Variants in ATRX observed in about 807,000 individuals in gnomAD.
ATRX encodes the protein ATRX chromatin remodeler.
In ATRX, 12 loss-of-function variants were observed where a neutral mutation model predicts 172.6. The observed-to-expected ratio is 0.07, with a 90% CI of 0.04 to 0.11. The LOEUF (loss-of-function observed/expected upper bound fraction) is 0.11. Ranked by LOEUF, ATRX falls within the 10% of genes least tolerant of loss-of-function variation. The pLI is 1.00. For synonymous variants in ATRX, 674 were observed against 594.7 expected, an observed-to-expected ratio of 1.13 and a Z score of -1.94; for missense variants, 1,368 against 1,767.4, an observed-to-expected ratio of 0.77 and a Z score of 4.05.
chrX:77,765,983 T>A (rs1603331475), intron 1 of ATRX, among the ~76,000 whole-genome samples: 1 of 110,311 alleles, frequency 9.1e-6, no homozygotes, highest in South Asian at 3.8e-4. Context: ...ACACAGCACA[T>A]GTTTCAGAGA....
rs202111882 is a variant in ATRX at position 77,661,467 on chromosome X, GAA to G, written c.4120+1913_4120+1914del. Reference sequence around the variant, plus strand: ...GAGTTCAAAAATAAATACAGTAATTGAAAAAAAAAAAAAAACTTTTCAATGGC... The same window carrying G: ...GAGTTCAAAAATAAATACAGTAATTGAAAAAAAAAAAAACTTTTCAATGGC... On this transcript the variant is annotated intron_variant, in intron 12 of 34. Transcript: ENST00000373344. 7.5e-3 allele frequency among the ~76,000 whole-genome samples: 684 copies of G among 91,346 alleles called. 2 individuals carry two copies. Among genetic ancestry groups the G allele is most frequent in the South Asian group, 0.016 (31 of 1,896 alleles). The allele number at this position is 91,346 out of a possible 115,157, so 79.3% of individuals were successfully genotyped here.
intron 34 of ATRX, among the ~76,000 whole-genome samples, chrX:77,513,594 C>G (rs1286505800): frequency 3.6e-5 from 4 of 110,971 alleles, no homozygotes; most frequent in Admixed American, 9.6e-5. Context: ...CAAGAAGCAA[C>G]TGGCTCTTGC....
intron 1 of ATRX, among the ~76,000 whole-genome samples, chrX:77,742,757 C>G (rs1260837711): frequency 2.7e-5 from 3 of 111,483 alleles, no homozygotes; most frequent in African/African-American, 6.5e-5. Flanking sequence ...TTTCTGTGGT[C>G]CACTACCATA....
rs1602296530 is a variant in ATRX at position 77,506,553 on chromosome X, C to T, written c.*1798G>A. 5.7e-6 allele frequency: 1 copy of T among 175,340 alleles called. No homozygotes were observed. The allele number at this position is 175,340 out of a possible 1,213,427, so 14.4% of individuals were successfully genotyped here. On this transcript the variant is annotated 3_prime_UTR_variant, in exon 35 of 35. Transcript: ENST00000373344. ...GTAACAGTTGGCCAGAGTGTACTGC[C>T]TTCAAATATTTCTCATAAATCTTGT...
chrX:77,712,097 A>G (rs2073141554), intron 2 of ATRX, among the ~76,000 whole-genome samples: 1 of 111,718 alleles, frequency 9.0e-6, no homozygotes, highest in African/African-American at 3.3e-5. Context: ...TGGTCTCCCT[A>G]AATTTTTTCC....
At chrX:77,576,496 T>C (rs782634559) in intron 27 of ATRX, among the ~76,000 whole-genome samples, 4 of 110,909 alleles carry the variant, frequency 3.6e-5, no homozygotes, top group African/African-American at 6.6e-5. Flanking sequence ...AAAGTGCAAG[T>C]ATATACCTAG....
intron 1 of ATRX, among the ~76,000 whole-genome samples, chrX:77,741,037 T>TACACACAC (rs111437851): frequency 3.8e-4 from 38 of 99,229 alleles, no homozygotes; most frequent in Non-Finnish European, 7.0e-4. Flanking sequence ...ACCCTGTCTC[T>TACACACAC]ACACACACAC....
At chrX:77,509,283 C>T (rs2062787622) in intron 34 of ATRX, among the ~76,000 whole-genome samples, 1 of 112,042 alleles carries the variant, frequency 8.9e-6, no homozygotes. Context: ...ATCCATAGCT[C>T]TACCTTTTAT....
At chrX:77,610,272 A>G (rs1209390902) in intron 22 of ATRX, among the ~76,000 whole-genome samples, 2 of 112,401 alleles carry the variant, frequency 1.8e-5, no homozygotes, top group South Asian at 3.6e-4. Context: ...AATGTTAAAT[A>G]TAAGAAGCAA....
chrX:77,638,114 C>A (rs1270394389), intron 15 of ATRX, among the ~76,000 whole-genome samples: 1 of 111,036 alleles, frequency 9.0e-6, no homozygotes, highest in Non-Finnish European at 1.9e-5. Context: ...CAAACATACA[C>A]AAAAGTAGAT....
At chrX:77,635,785 G>T in intron 16 of ATRX, 130 bp downstream of exon 16, 1 of 546,991 alleles carries the variant, frequency 1.8e-6, no homozygotes, top group Non-Finnish European at 2.9e-6. Flanking sequence ...AAAGGCAGGG[G>T]AATTGTGGAT....
At chrX:77,754,562 T>C (rs782286645) in intron 1 of ATRX, among the ~76,000 whole-genome samples, 2 of 112,029 alleles carry the variant, frequency 1.8e-5, no homozygotes, top group South Asian at 3.7e-4. Flanking sequence ...AGCATTTGAT[T>C]GTCCGTAAAG....
At chrX:77,729,665 T>C (rs1370298095) in intron 1 of ATRX, among the ~76,000 whole-genome samples, 2 of 112,354 alleles carry the variant, frequency 1.8e-5, no homozygotes, top group Non-Finnish European at 3.8e-5. Context: ...CCGGGCATGA[T>C]GGCTCATGCC....
Position 77,539,452 on chromosome X carries a change from G to A in ATRX, c.6700-16051C>T, listed in dbSNP as rs782097775. ...CTTTACATCTAATTTCTGATTTCTA[G>A]TGTACAGGATATATAAGAGGTAGAA... On this transcript the variant is annotated intron_variant, in intron 30 of 34. Coordinates refer to ENST00000373344, the MANE Select transcript of ATRX (RefSeq NM_000489.6). Among the ~76,000 whole-genome samples, 10 of 110,235 alleles carry A rather than the reference G, an allele frequency of 9.1e-5. No homozygotes were observed. In the East Asian group the frequency reaches 2.3e-3, roughly 25 times the overall value.
chrX:77,650,413 G>C (rs1191994367), intron 15 of ATRX, among the ~76,000 whole-genome samples: 1 of 111,455 alleles, frequency 9.0e-6, no homozygotes, highest in Non-Finnish European at 1.9e-5. Flanking sequence ...ACAAAACTCA[G>C]AATATAGAAA....
Position 77,633,481 on chromosome X carries a change from TAAAAATTAAA to T in ATRX, c.4956+75_4956+84del, listed in dbSNP as rs1482357379. The stretch of plus-strand genomic sequence containing the variant: ...ATATGCATCACTGGTTAAAAAACAT[TAAAAATTAAA>T]AAAAATTAAAAATAGTTTACTATAT... On this transcript the variant is annotated intron_variant, in intron 18 of 34. Coordinates refer to ENST00000373344, the MANE Select transcript of ATRX (RefSeq NM_000489.6). The T allele has an allele frequency of 9.0e-6, 10 of 1,110,533 alleles. No homozygotes were observed. In the African/African-American group the frequency reaches 1.1e-4, roughly 12 times the overall value. The allele number at this position is 1,110,533 out of a possible 1,213,427, so 91.5% of individuals were successfully genotyped here. A position where few individuals can be genotyped will look rare whatever the true frequency, so the allele number is the denominator to read the frequency against.
chrX:77,756,638 T>C (rs1197007730), intron 1 of ATRX, among the ~76,000 whole-genome samples: 4 of 110,715 alleles, frequency 3.6e-5, no homozygotes, highest in Non-Finnish European at 7.6e-5. Context: ...CGCCCCACCC[T>C]GCTTCTGCTA....
chrX:77,541,460 T>C (rs1054086954), intron 30 of ATRX, among the ~76,000 whole-genome samples: 9 of 111,944 alleles, frequency 8.0e-5, no homozygotes, highest in African/African-American at 2.9e-4. Context: ...CCTCCCTAAC[T>C]CATTTTATGA....
intron 15 of ATRX, among the ~76,000 whole-genome samples, chrX:77,648,056 T>C (rs191253173): frequency 8.9e-6 from 1 of 111,923 alleles, no homozygotes; most frequent in Admixed American, 9.5e-5. Context: ...CATTACATGT[T>C]GTTAAAGGGG....
Sources: allele counts gnomAD v4.1 joint callset (sites outside exome capture counted in the v4.1 genomes callset), GRCh38; gene constraint gnomAD v4.1.1; transcripts MANE v1.5; gene names NCBI Gene and HGNC (gene_info 2026-07-23, HGNC 2026-07-21).